Variants in SPAG9 observed in about 807,000 individuals in gnomAD.
SPAG9 encodes sperm associated antigen 9.
Under a neutral mutation model 166.5 loss-of-function variants are expected in SPAG9, and 35 were observed. The ratio of observed to expected loss-of-function variants is 0.21; its 90% CI spans 0.16 to 0.28. The LOEUF (loss-of-function observed/expected upper bound fraction) is 0.28, where lower values mean the gene tolerates loss of function less well. Among genes scored for constraint, SPAG9 ranks in the 10% least tolerant of loss-of-function variants. The probability of loss-of-function intolerance (pLI) is 1.00; values close to 1 mark genes in which losing one functional copy is unlikely to be tolerated. For synonymous variants in SPAG9, 534 were observed against 565.5 expected, an observed-to-expected ratio of 0.94 and a Z score of 0.79; for missense variants, 1,235 against 1,603.3, an observed-to-expected ratio of 0.77 and a Z score of 3.92.
chr17:50,966,781 G>T (rs932342701), intron 29 of SPAG9, among the ~76,000 whole-genome samples: 1 of 152,192 alleles, frequency 6.6e-6, no homozygotes, highest in Non-Finnish European at 1.5e-5. Context: ...TATAAAATGC[G>T]TGAGCACAGG....
rs567246836 is a variant in SPAG9 at position 51,093,531 on chromosome 17, T to C, written c.304-13827A>G. Reference sequence around the variant, plus strand: ...TCCTGGCTAACATGGTGAAACCCCGTCTCTACTAAAAAAATCAGCCAGGCG... The same window carrying C: ...TCCTGGCTAACATGGTGAAACCCCGCCTCTACTAAAAAAATCAGCCAGGCG... On this transcript the variant is annotated intron_variant, in intron 1 of 29. Coordinates refer to ENST00000262013, the MANE Select transcript of SPAG9 (RefSeq NM_001130528.3). Among the ~76,000 whole-genome samples, 63 of 150,616 alleles carry C rather than the reference T, an allele frequency of 4.2e-4. No homozygotes were observed. The East Asian group carries it at 0.012, about 28-fold the overall frequency.
intron 5 of SPAG9, 59 bp from the exon 6 acceptor site, chr17:51,031,781 C>A: frequency 1.6e-6 from 2 of 1,262,858 alleles, no homozygotes; most frequent in Non-Finnish European, 2.3e-6. Flanking sequence ...GGTTTTAACA[C>A]AGCTGTAACT....
intron 26 of SPAG9, among the ~76,000 whole-genome samples, chr17:50,979,343 G>A (rs1326345854): frequency 7.1e-6 from 1 of 140,456 alleles, no homozygotes; most frequent in Non-Finnish European, 1.5e-5. Context: ...CTGCACTCCA[G>A]CCTAGGTGAC....
chr17:51,023,513 A>C (rs181016505), intron 6 of SPAG9, among the ~76,000 whole-genome samples: 1 of 152,094 alleles, frequency 6.6e-6, no homozygotes, highest in Non-Finnish European at 1.5e-5. Context: ...GTACTTTAAA[A>C]ATTGGTTAAG....
intron 1 of SPAG9, among the ~76,000 whole-genome samples, chr17:51,117,810 T>C (rs1286931147): frequency 6.7e-6 from 1 of 149,818 alleles, no homozygotes; most frequent in Admixed American, 6.7e-5. Context: ...AATTTCTGGA[T>C]ACTGAGCAAC....
At chr17:51,089,180 T>C (rs2048381143) in intron 1 of SPAG9, among the ~76,000 whole-genome samples, 1 of 151,668 alleles carries the variant, frequency 6.6e-6, no homozygotes, top group African/African-American at 2.4e-5. Flanking sequence ...TCCTAGCACT[T>C]TGGGAGGCCG....
intron 6 of SPAG9, among the ~76,000 whole-genome samples, chr17:51,027,741 C>A (rs2046239777): frequency 6.6e-6 from 1 of 152,166 alleles, no homozygotes; most frequent in South Asian, 2.1e-4. Flanking sequence ...GTACATAATA[C>A]TTGATAATGA....
chr17:51,111,002 G>C (rs559317056), intron 1 of SPAG9, among the ~76,000 whole-genome samples: 30 of 152,012 alleles, frequency 2.0e-4, no homozygotes, highest in African/African-American at 7.0e-4. Flanking sequence ...TGTAGTCCCA[G>C]CTACACGGGA....
intron 15 of SPAG9, among the ~76,000 whole-genome samples, 200 bp from the exon 16 acceptor site, chr17:50,996,894 C>T (rs2044705567): frequency 6.6e-6 from 1 of 152,212 alleles, no homozygotes; most frequent in African/African-American, 2.4e-5. Context: ...AATCCCAACA[C>T]TTTGGGAGGC....
intron 21 of SPAG9, 160 bp downstream of exon 21, chr17:50,989,517 G>C (rs1042022684): frequency 4.3e-6 from 3 of 702,222 alleles, no homozygotes; most frequent in African/African-American, 3.5e-5. Context: ...CAGCGAGAAT[G>C]ATGGAGCGGG....
rs149696370 is a variant in SPAG9, at chr17:50,979,852, G to A, written c.3303C>T (p.Gly1101=). Residue 1101 remains glycine (G), a synonymous_variant, in exon 26 of 30, where the codon GGC becomes GGT. Transcript: ENST00000262013. ...QVRQLAWVGD[G]VWVSIRLDST... is the part of the protein sequence containing the mutation. ...AATCCAAGCGAATGGAGACCCACAC[G>A]CCATCCCCCACCCACGCAAGCTGTC... 20 of 1,613,954 alleles carry A rather than the reference G, an allele frequency of 1.2e-5. No homozygotes were observed. The African/African-American group carries it at 2.0e-4, about 16-fold the overall frequency.
intron 16 of SPAG9, 164 bp downstream of exon 16, chr17:50,996,401 G>C (rs1567976881): frequency 1.4e-6 from 1 of 728,520 alleles, no homozygotes; most frequent in East Asian, 2.7e-5. Flanking sequence ...TACAGCTCTA[G>C]AAAACAGCCT....
intron 12 of SPAG9, among the ~76,000 whole-genome samples, chr17:51,004,272 G>C (rs1348762645): frequency 6.6e-6 from 1 of 152,054 alleles, no homozygotes; most frequent in East Asian, 1.9e-4. Context: ...TGGGTGGTAG[G>C]TTCACAATGT....
rs201060509 is a variant in SPAG9, at chr17:51,105,866, C to CA, written c.303+14487dup. ...GCCTGGGCGACAGAGCAGGCTGTCT[C>CA]AAAAAAAAAGAGAAAAAGAAAAAAC... On this transcript the variant is annotated intron_variant, in intron 1 of 29. Coordinates refer to ENST00000262013, the MANE Select transcript of SPAG9 (RefSeq NM_001130528.3). Among the ~76,000 whole-genome samples the CA allele has an allele frequency of 9.0e-3, 1,326 of 147,606 alleles. 13 individuals are homozygous for CA. The highest frequency in any genetic ancestry group is 0.031 in the African/African-American group (1,238 of 40,044).
intron 12 of SPAG9, 143 bp downstream of exon 12, chr17:51,005,069 A>T: frequency 2.9e-6 from 2 of 680,572 alleles, no homozygotes; most frequent in Non-Finnish European, 5.0e-6. Flanking sequence ...CAGAAGCATG[A>T]GCTATCCTAT....
At chr17:51,048,682 A>G (rs1019725105) in intron 3 of SPAG9, among the ~76,000 whole-genome samples, 4 of 152,180 alleles carry the variant, frequency 2.6e-5, no homozygotes, top group African/African-American at 9.6e-5. Flanking sequence ...TTTGGCATGT[A>G]CAAATATTAG....
chr17:51,058,239 G>GT (rs1460033906), intron 2 of SPAG9, among the ~76,000 whole-genome samples: 1 of 152,128 alleles, frequency 6.6e-6, no homozygotes, highest in Admixed American at 6.5e-5. Context: ...AAATAAATTT[G>GT]TATCACCAAC....
At chr17:51,081,570 C>T (rs2144648054) in intron 1 of SPAG9, among the ~76,000 whole-genome samples, 1 of 151,910 alleles carries the variant, frequency 6.6e-6, no homozygotes, top group African/African-American at 2.4e-5. Flanking sequence ...ATGGAGAAAC[C>T]CCGTCTCTAC....
chr17:50,977,714 C>T (rs547571732), intron 26 of SPAG9, among the ~76,000 whole-genome samples: 4 of 152,172 alleles, frequency 2.6e-5, no homozygotes, highest in South Asian at 2.1e-4. Flanking sequence ...ACAGACCTCA[C>T]CTCTACAAAA....
Sources: gnomAD v4.1 joint callset for allele counts (sites outside exome capture counted in the v4.1 genomes callset) on GRCh38, gnomAD v4.1.1 for gene constraint, MANE v1.5 for transcripts, NCBI Gene and HGNC (gene_info 2026-07-23, HGNC 2026-07-21) for gene names.